Variants in ENOX1 observed in about 807,000 individuals in gnomAD.
ENOX1 encodes candidate growth-related and time keeping constitutive hydroquinone (NADH) oxidase.
In ENOX1, 42 loss-of-function variants were observed where a neutral mutation model predicts 82.5. The ratio of observed to expected loss-of-function variants is 0.51; its 90% CI spans 0.40 to 0.66. ENOX1 has a LOEUF of 0.66. Ranked by LOEUF, ENOX1 falls within the 30% of genes least tolerant of loss-of-function variation. The probability of loss-of-function intolerance (pLI) is 0.00; values close to 1 mark genes in which losing one functional copy is unlikely to be tolerated. For synonymous variants in ENOX1, 271 were observed against 282.2 expected (o/e 0.96, Z 0.40); for missense variants, 608 against 811.6 (o/e 0.75, Z 3.05).
intron 1 of ENOX1, among the ~76,000 whole-genome samples, chr13:43,690,622 C>G (rs1438690310): frequency 6.6e-6 from 1 of 152,128 alleles, no homozygotes; most frequent in Non-Finnish European, 1.5e-5. Context: ...TTGAAAGAGA[C>G]CAGCCAGTGG....
chr13:43,304,821 T>G (rs1468159241), intron 11 of ENOX1, among the ~76,000 whole-genome samples: 6 of 152,192 alleles, frequency 3.9e-5, no homozygotes, highest in African/African-American at 7.2e-5. Context: ...AATGCTTTAT[T>G]GAGAGAGTTT....
intron 1 of ENOX1, among the ~76,000 whole-genome samples, chr13:43,690,237 C>T (rs1013573415): frequency 7.0e-6 from 1 of 143,114 alleles, no homozygotes; most frequent in Admixed American, 7.2e-5. Flanking sequence ...AAAGAACATC[C>T]AGCCTTGCTT....
intron 2 of ENOX1, among the ~76,000 whole-genome samples, chr13:43,486,929 T>C (rs1213852032): frequency 3.9e-5 from 6 of 152,174 alleles, no homozygotes; most frequent in African/African-American, 1.4e-4. Context: ...TCCCAGCACT[T>C]TGGGAGGCCA....
chr13:43,587,423 T>C (rs538229752), intron 2 of ENOX1, among the ~76,000 whole-genome samples: 77 of 152,300 alleles, frequency 5.1e-4, no homozygotes, highest in African/African-American at 1.8e-3. Context: ...GTGAGTAAAT[T>C]TCATGGTTCT....
intron 1 of ENOX1, among the ~76,000 whole-genome samples, chr13:43,670,608 C>A (rs1594343230): frequency 6.6e-6 from 1 of 152,076 alleles, no homozygotes; most frequent in Non-Finnish European, 1.5e-5. Context: ...AATCCCAGCA[C>A]TTTGGGAGGC....
chr13:43,296,266 A>G (rs2046280746), intron 12 of ENOX1, among the ~76,000 whole-genome samples: 1 of 152,206 alleles, frequency 6.6e-6, no homozygotes, highest in African/African-American at 2.4e-5. Context: ...GTCATCCTGG[A>G]GCAGAGTGGA....
intron 1 of ENOX1, among the ~76,000 whole-genome samples, chr13:43,778,790 C>T (rs1031385798): frequency 6.6e-6 from 1 of 152,162 alleles, no homozygotes; most frequent in African/African-American, 2.4e-5. Context: ...ATAGGCAAGA[C>T]AGAGGATTCC....
At chr13:43,750,901 T>C (rs1950275753) in intron 1 of ENOX1, among the ~76,000 whole-genome samples, 1 of 152,216 alleles carries the variant, frequency 6.6e-6, no homozygotes, top group African/African-American at 2.4e-5. Context: ...TAGTTTAGCA[T>C]TCATTCTAGT....
At chr13:43,220,367 G>A (rs2041723984) in intron 16 of ENOX1, among the ~76,000 whole-genome samples, 2 of 152,154 alleles carry the variant, frequency 1.3e-5, no homozygotes, top group African/African-American at 4.8e-5. Flanking sequence ...AGGGTACCTT[G>A]CTGTTAATCA....
intron 3 of ENOX1, among the ~76,000 whole-genome samples, chr13:43,434,937 GTTTTTT>G (rs537775258): frequency 1.3e-5 from 1 of 75,910 alleles, no homozygotes; most frequent in Admixed American, 1.6e-4. Context: ...TGTGTGTGTG[GTTTTTT>G]TTTTTTTTTT....
At chr13:43,511,398 A>G (rs930712375) in intron 2 of ENOX1, among the ~76,000 whole-genome samples, 4 of 152,176 alleles carry the variant, frequency 2.6e-5, no homozygotes, top group South Asian at 4.1e-4. Context: ...TAACTGCACA[A>G]TAGAGTTCAT....
intron 1 of ENOX1, among the ~76,000 whole-genome samples, chr13:43,777,889 T>C (rs1182033215): frequency 6.6e-6 from 1 of 152,194 alleles, no homozygotes; most frequent in Non-Finnish European, 1.5e-5. Flanking sequence ...ATAGCATAAG[T>C]ATGTACATAA....
At chr13:43,254,181 A>G (rs1193531414) in intron 14 of ENOX1, among the ~76,000 whole-genome samples, 2 of 152,220 alleles carry the variant, frequency 1.3e-5, no homozygotes, top group African/African-American at 4.8e-5. Flanking sequence ...ACGGATGGCC[A>G]TTAACCTTGG....
At chr13:43,284,771 GGTGTGTGTGTGTGTGTGTGT>G (rs72187459) in intron 12 of ENOX1, among the ~76,000 whole-genome samples, 3,401 of 143,754 alleles carry the variant, frequency 0.024, 50 homozygotes, top group Non-Finnish European at 0.031. Flanking sequence ...ATTTGTTAAA[GGTGTGTGTGTGTGTGTGTGT>G]GTGTGTGTGT....
At chr13:43,685,579 C>G (rs1837503426) in intron 1 of ENOX1, among the ~76,000 whole-genome samples, 1 of 151,926 alleles carries the variant, frequency 6.6e-6, no homozygotes, top group Non-Finnish European at 1.5e-5. Context: ...AAGGCCTGAA[C>G]TCAAAAGGAA....
At chr13:43,647,825 G>A (rs372257496) in intron 2 of ENOX1, among the ~76,000 whole-genome samples, 86 of 152,302 alleles carry the variant, frequency 5.6e-4, no homozygotes, top group African/African-American at 2.0e-3. Flanking sequence ...TATTTTCCAA[G>A]TAAACTCAAT....
chr13:43,238,865 G>A (rs964331634), intron 14 of ENOX1, among the ~76,000 whole-genome samples: 3 of 152,142 alleles, frequency 2.0e-5, no homozygotes, highest in African/African-American at 4.8e-5. Context: ...CCATCACACA[G>A]TTGAAGATCC....
At chr13:43,408,417 T>C (rs550905454) in intron 5 of ENOX1, among the ~76,000 whole-genome samples, 13 of 152,232 alleles carry the variant, frequency 8.5e-5, no homozygotes, top group Non-Finnish European at 1.8e-4. Flanking sequence ...GAAAGCCAAG[T>C]ACTCATAAAA....
chr13:43,647,994 A>G (rs941706533), intron 2 of ENOX1, among the ~76,000 whole-genome samples: 2 of 152,194 alleles, frequency 1.3e-5, no homozygotes, highest in African/African-American at 4.8e-5. Context: ...TGGAAAAGGC[A>G]AGAGCATGGA....
Sources: gnomAD v4.1 joint callset for allele counts (sites outside exome capture counted in the v4.1 genomes callset) on GRCh38, gnomAD v4.1.1 for gene constraint, MANE v1.5 for transcripts, NCBI Gene and HGNC (gene_info 2026-07-23, HGNC 2026-07-21) for gene names.